KCNK12: variants seen among roughly 807,000 people sequenced by gnomAD.
KCNK12 encodes the protein potassium two pore domain channel subfamily K member 12.
KCNK12 carries 6 observed loss-of-function variants against 25.3 expected under a neutral mutation model. That is an observed-to-expected ratio of 0.24 (90% CI 0.13 to 0.47). KCNK12 has a LOEUF of 0.47. Among genes scored for constraint, KCNK12 ranks in the 20% least tolerant of loss-of-function variants. The pLI is 0.99. For missense variants in KCNK12, 444 were observed against 661.7 expected (o/e 0.67, Z 3.61); for synonymous variants, 331 against 311.1 (o/e 1.06, Z -0.67).
chr2:47,542,897 G>A (rs1669231214), intron 1 of KCNK12, among the ~76,000 whole-genome samples: 1 of 152,176 alleles, frequency 6.6e-6, no homozygotes. Flanking sequence ...TTCACACATT[G>A]GCTTGAGAAT....
At position 47,547,501 on chromosome 2, in the gene KCNK12, C is replaced by T. The variant is rs1435260875; in HGVS notation, c.391+22440G>A. On this transcript the variant is annotated intron_variant, in intron 1 of 1. Transcript: ENST00000327876. The surrounding 1 kb of genome is among the most constrained non-coding windows in gnomAD (Gnocchi z 5.0). ...TTGCCCAGGCTGGAGTGCAATGGCA[C>T]GATCATAGCTCACTGCATCCTTGAA... Among the ~76,000 whole-genome samples, 4 of 152,048 alleles carry T rather than the reference C, an allele frequency of 2.6e-5. No homozygotes were observed. In the East Asian group the frequency reaches 5.8e-4, roughly 22 times the overall value.
At position 47,521,250 on chromosome 2, in the gene KCNK12, C is replaced by T. The variant is rs750678006; in HGVS notation, c.950G>A (p.Cys317Tyr). Residue 317 changes from cysteine (C) to tyrosine (Y), a missense_variant, in exon 2 of 2, where the codon TGC becomes TAC. Around this residue, in one of 8 missense-constraint regions of KCNK12, gnomAD observed 69 missense variants for 81.7 expected, o/e 0.84. Transcript: ENST00000327876. Reference protein sequence around the residue: ...NWMLRKLSCRCCARCCPAPGA... With the variant: ...NWMLRKLSCRYCARCCPAPGA... Reference sequence around the variant, plus strand: ...AGGAGCCGGGCAGCAGCGCGCGCAGCAGCGGCAGCTCAGCTTGCGCAGCAT... The same window carrying T: ...AGGAGCCGGGCAGCAGCGCGCGCAGTAGCGGCAGCTCAGCTTGCGCAGCAT... 3.1e-6 allele frequency: 5 copies of T among 1,606,828 alleles called. No individual in the cohort carries two copies. The Admixed American group carries it at 6.7e-5, about 22-fold the overall frequency.
In KCNK12 at chr2:47,566,288, C is replaced by T. The variant is rs1485227034; in HGVS notation, c.391+3653G>A. 4 of 152,128 alleles carry T rather than the reference C, an allele frequency of 2.6e-5. No homozygotes were observed. The highest frequency in any genetic ancestry group is 2.6e-4 in the Admixed American group (4 of 15,284). The allele number at this position is 152,128 out of a possible 1,614,324, so 9.4% of individuals were successfully genotyped here. ...AAACATTCTACTTCATTGTGGTGTT[C>T]CATGTAACCTTGAGTACACACAGCC... On this transcript the variant is annotated intron_variant, in intron 1 of 1. Coordinates refer to ENST00000327876, the MANE Select transcript of KCNK12 (RefSeq NM_022055.2). The surrounding 1 kb of genome is among the most constrained non-coding windows in gnomAD (Gnocchi z 4.1).
Position 47,562,383 on chromosome 2 carries a change from G to A in KCNK12, c.391+7558C>T, listed in dbSNP as rs1669692105. The A allele has an allele frequency of 5.8e-6, 2 of 344,716 alleles. No individual in the cohort carries two copies. The highest frequency in any genetic ancestry group is 1.0e-5 in the Non-Finnish European group (2 of 192,018). 21.4% of individuals were successfully genotyped at this position (344,716 alleles called of 1,614,324 possible). On this transcript the variant is annotated intron_variant, in intron 1 of 1. Coordinates refer to ENST00000327876, the MANE Select transcript of KCNK12 (RefSeq NM_022055.2). This position sits in a 1 kb window ranked among gnomAD's most constrained non-coding sequence, Gnocchi z 4.8. ...TGAGATCCTCTGGGATCTGGAGGAA[G>A]CAGATGGAGGAGAAACCCCAGGGCT...
chr2:47,563,172 G>A, intron 1 of KCNK12: 2 of 233,438 alleles, frequency 8.6e-6, no homozygotes, highest in Non-Finnish European at 1.7e-5. Flanking sequence ...AGATCAAGCA[G>A]GAGTTTTTAC....
Position 47,569,463 on chromosome 2 carries a change from A to G in KCNK12, c.391+478T>C, listed in dbSNP as rs1669844302. Among the ~76,000 whole-genome samples the G allele has an allele frequency of 6.6e-6, 1 of 151,602 alleles. No homozygotes were observed. The highest frequency in any genetic ancestry group is 2.1e-4 in the South Asian group (1 of 4,772). ...GCAAGTGGTCACCCTCTCCAGGGTA[A>G]AGGAGTTAGAGGCCACTGAGGGAGA... On this transcript the variant is annotated intron_variant, in intron 1 of 1. Transcript: ENST00000327876. The surrounding 1 kb of genome is among the most constrained non-coding windows in gnomAD (Gnocchi z 4.1).
chr2:47,538,945 A>T lies in KCNK12; in HGVS notation c.392-17137T>A, dbSNP rs1669135123. ...TATAATATTCAAGTAGATTTCAAGC[A>T]ACAGCAGATATGCTGAATTTATTTG... On this transcript the variant is annotated intron_variant, in intron 1 of 1. Transcript: ENST00000327876. This position sits in a 1 kb window ranked among gnomAD's most constrained non-coding sequence, Gnocchi z 4.5. Among the ~76,000 whole-genome samples the T allele has an allele frequency of 6.6e-6, 1 of 152,284 alleles. No individual in the cohort carries two copies. The highest frequency in any genetic ancestry group is 1.5e-5 in the Non-Finnish European group (1 of 68,054).
intron 1 of KCNK12, among the ~76,000 whole-genome samples, chr2:47,532,577 G>C (rs1430857475): frequency 1.3e-5 from 2 of 152,158 alleles, no homozygotes; most frequent in Non-Finnish European, 2.9e-5. Flanking sequence ...TTGTTGCTTT[G>C]TAAGGGTTTT....
Position 47,570,263 on chromosome 2 carries a change from GC to G in KCNK12, c.68del (p.Cys23SerfsTer108). The G allele has an allele frequency of 7.0e-7, 1 of 1,427,292 alleles. No individual in the cohort carries two copies. Among genetic ancestry groups the G allele is most frequent in the Non-Finnish European group, 9.2e-7 (1 of 1,091,622 alleles). 88.4% of individuals were successfully genotyped at this position (1,427,292 alleles called of 1,614,324 possible). On this transcript the variant is annotated frameshift_variant, in exon 1 of 2. Transcript: ENST00000327876. LOFTEE classifies it high-confidence loss of function. ...GGTGCGAACGGCGGCAGCAGCAGCAGCAGCAGGAGGGGCGCGGCAGGCGGCG... is the reference window on the plus strand; with the variant it reads ...GGTGCGAACGGCGGCAGCAGCAGCAGAGCAGGAGGGGCGCGGCAGGCGGCG... ...SRRRLPRPSC[C>X]CCCCRRSHLN...
At position 47,522,044 on chromosome 2, in the gene KCNK12, T is replaced by G. The variant is rs77110590; in HGVS notation, c.392-236A>C. On this transcript the variant is annotated intron_variant, in intron 1 of 1. Coordinates refer to ENST00000327876, the MANE Select transcript of KCNK12 (RefSeq NM_022055.2). ...ATGGAGGAGACATGGCCCTTCATCT[T>G]GGGGACCTATAAACCCAAGTGGTTG... Among the ~76,000 whole-genome samples the G allele has an allele frequency of 0.013, 1,952 of 152,280 alleles. 22 individuals carry two copies. Among genetic ancestry groups the G allele is most frequent in the East Asian group, 0.024 (123 of 5,188 alleles).
chr2:47,522,305 A>G (rs140491570), intron 1 of KCNK12, among the ~76,000 whole-genome samples: 1 of 152,332 alleles, frequency 6.6e-6, no homozygotes, highest in East Asian at 1.9e-4. Context: ...ATCAAAACCA[A>G]CATAGATCTC....
At chr2:47,537,276 G>C (rs1452173465) in intron 1 of KCNK12, among the ~76,000 whole-genome samples, 2 of 151,902 alleles carry the variant, frequency 1.3e-5, no homozygotes, top group Admixed American at 1.3e-4. Flanking sequence ...GTGCACACAC[G>C]CGTACTTAAT....
At chr2:47,545,468 G>A (rs959226696) in intron 1 of KCNK12, among the ~76,000 whole-genome samples, 2 of 152,226 alleles carry the variant, frequency 1.3e-5, no homozygotes, top group Non-Finnish European at 2.9e-5. Flanking sequence ...GGGAAGCCTG[G>A]ATACAGATGG....
Position 47,530,745 on chromosome 2 carries a change from T to G in KCNK12, c.392-8937A>C, listed in dbSNP as rs1320702809. 2.0e-5 allele frequency among the ~76,000 whole-genome samples: 3 copies of G among 152,326 alleles called. No homozygotes were observed. The East Asian group carries it at 5.8e-4, about 29-fold the overall frequency. ...ATTTGGCAGTATTTTAAATTCCTAA[T>G]GGTACGTACCATGATGGTGTGTTCA... On this transcript the variant is annotated intron_variant, in intron 1 of 1. Transcript: ENST00000327876.
In KCNK12 at chr2:47,512,154, GT is replaced by G; in HGVS notation, c.*8752del. 2 of 947,822 alleles carry G rather than the reference GT, an allele frequency of 2.1e-6. No homozygotes were observed. The highest frequency in any genetic ancestry group is 3.1e-6 in the Non-Finnish European group (2 of 653,710). 58.7% of individuals were successfully genotyped at this position (947,822 alleles called of 1,614,324 possible). On this transcript the variant is annotated 3_prime_UTR_variant, in exon 2 of 2. Transcript: ENST00000327876. ...TTTCCATCCTGCATCCAGATGGCTGGTCCTGCTCCTCCCAGTCCATGGAGAA... is the reference window on the plus strand; with the variant it reads ...TTTCCATCCTGCATCCAGATGGCTGGCCTGCTCCTCCCAGTCCATGGAGAA...
intron 1 of KCNK12, among the ~76,000 whole-genome samples, chr2:47,550,378 C>G (rs994967924): frequency 3.9e-5 from 4 of 103,182 alleles, no homozygotes; most frequent in African/African-American, 1.4e-4. Flanking sequence ...TATTCACAGA[C>G]TTTTTTTTTT....
At chr2:47,568,755 C>T (rs1669831452) in intron 1 of KCNK12, among the ~76,000 whole-genome samples, 2 of 152,190 alleles carry the variant, frequency 1.3e-5, no homozygotes, top group Non-Finnish European at 2.9e-5. Flanking sequence ...AATCCAGCCC[C>T]CTCCTCCAAA....
chr2:47,563,326 C>T (rs1669721655), intron 1 of KCNK12: 1 of 233,458 alleles, frequency 4.3e-6, no homozygotes, highest in South Asian at 1.8e-4. Context: ...ACTGGATTCT[C>T]TACTTGTCTA....
rs370031478 is a variant in KCNK12 at position 47,540,347 on chromosome 2, C to T, written c.392-18539G>A. Among the ~76,000 whole-genome samples the T allele has an allele frequency of 3.2e-4, 49 of 152,278 alleles. No homozygotes were observed. Among genetic ancestry groups the T allele is most frequent in the East Asian group, 3.9e-4 (2 of 5,180 alleles). On this transcript the variant is annotated intron_variant, in intron 1 of 1. Coordinates refer to ENST00000327876, the MANE Select transcript of KCNK12 (RefSeq NM_022055.2). This position sits in a 1 kb window ranked among gnomAD's most constrained non-coding sequence, Gnocchi z 5.4. ...TCACTGTGCCAGGGGGCTGAGTGTC[C>T]GGCCTGGGACGTGAGAGGGCATGGG...
Sources: gnomAD v4.1 joint callset for allele counts (sites outside exome capture counted in the v4.1 genomes callset) on GRCh38, gnomAD v4.1.1 for gene constraint, gnomAD v4.1.1 regional missense constraint, Gnocchi (gnomAD v3.1) non-coding constraint, MANE v1.5 for transcripts, NCBI Gene and HGNC (gene_info 2026-07-23, HGNC 2026-07-21) for gene names.